The following SULF1 variants were observed in gnomAD, a reference collection of about 807,000 sequenced individuals.
The protein encoded by SULF1 is sulfatase 1.
In SULF1, 46 loss-of-function variants were observed where a neutral mutation model predicts 110.5. The ratio of observed to expected loss-of-function variants is 0.42; its 90% CI spans 0.33 to 0.53. SULF1 has a LOEUF of 0.53. Among genes scored for constraint, SULF1 ranks in the 20% least tolerant of loss-of-function variants. The probability of loss-of-function intolerance (pLI) is 0.12; values close to 1 mark genes in which losing one functional copy is unlikely to be tolerated. For synonymous variants in SULF1, 371 were observed against 387.1 expected (o/e 0.96, Z 0.49); for missense variants, 941 against 1,094.2 (o/e 0.86, Z 1.98).
At chr8:69,601,028 G>A (rs549716574) in intron 9 of SULF1, among the ~76,000 whole-genome samples, 2 of 62,586 alleles carry the variant, frequency 3.2e-5, no homozygotes, top group African/African-American at 1.8e-4. Flanking sequence ...ATCCTCAAAG[G>A]CAATAAAGAA....
Position 69,621,104 on chromosome 8 carries a change from C to T in SULF1, c.1447C>T (p.Leu483Phe). ...IHKCKGPSDL[L>F]TVRQSTRNLY... is the part of the protein sequence containing the mutation. Reference sequence around the variant, plus strand: ...CAAGTGTAAAGGACCCAGTGACCTGCTCACAGTCCGGCAGAGCACGCGGAA... The same window carrying T: ...CAAGTGTAAAGGACCCAGTGACCTGTTCACAGTCCGGCAGAGCACGCGGAA... Residue 483 changes from leucine to phenylalanine, a missense_variant, in exon 14 of 23, where the codon CTC (leucine) becomes TTC (phenylalanine). Leu to Phe is a conservative substitution (Grantham distance 22, BLOSUM62 0). Coordinates refer to ENST00000402687, the MANE Select transcript of SULF1 (RefSeq NM_001128205.2). 6.2e-7 allele frequency: 1 copy of T among 1,614,104 alleles called. No individual in the cohort carries two copies. The highest frequency in any genetic ancestry group is 8.5e-7 in the Non-Finnish European group (1 of 1,179,958).
Position 69,501,488 on chromosome 8 carries a change from G to A in SULF1, c.-228-386G>A, listed in dbSNP as rs541365077. Among the ~76,000 whole-genome samples the A allele has an allele frequency of 6.6e-5, 10 of 152,232 alleles. No homozygotes were observed. In the East Asian group the frequency reaches 7.7e-4, roughly 12 times the overall value. ...TTTAAAAGATTCCATGATTCAGCGC[G>A]TTTTCCTTTAAAATAGGTCTCCCAA... On this transcript the variant is annotated intron_variant, in intron 2 of 22. Coordinates refer to ENST00000402687, the MANE Select transcript of SULF1 (RefSeq NM_001128205.2).
chr8:69,642,667 T>C (rs1242708266), intron 22 of SULF1, among the ~76,000 whole-genome samples: 1 of 152,218 alleles, frequency 6.6e-6, no homozygotes, highest in African/African-American at 2.4e-5. Flanking sequence ...AGTTATTTTA[T>C]GAGGCACTCA....
chr8:69,572,935 C>A (rs974581891), intron 5 of SULF1, among the ~76,000 whole-genome samples: 7 of 152,206 alleles, frequency 4.6e-5, no homozygotes, highest in African/African-American at 1.7e-4. Context: ...TCAAGCAATT[C>A]TCCTGCCTCA....
At chr8:69,543,455 T>C (rs761367378) in intron 3 of SULF1, among the ~76,000 whole-genome samples, 13 of 151,874 alleles carry the variant, frequency 8.6e-5, no homozygotes, top group Non-Finnish European at 1.6e-4. Flanking sequence ...CTCCCACTTA[T>C]AAGTGAGAAC....
intron 5 of SULF1, among the ~76,000 whole-genome samples, chr8:69,565,899 A>C (rs546146846): frequency 6.6e-6 from 1 of 151,910 alleles, no homozygotes; most frequent in African/African-American, 2.4e-5. Flanking sequence ...CCTCGCCTCT[A>C]TCCATGCCTT....
intron 6 of SULF1, among the ~76,000 whole-genome samples, chr8:69,582,153 A>G (rs1270692442): frequency 5.9e-5 from 9 of 152,212 alleles, no homozygotes; most frequent in Admixed American, 5.2e-4. Context: ...GAGAGGAAAC[A>G]AAAAAACCCC....
At chr8:69,476,958 C>T (rs1219193084) in intron 1 of SULF1, among the ~76,000 whole-genome samples, 1 of 152,160 alleles carries the variant, frequency 6.6e-6, no homozygotes, top group East Asian at 1.9e-4. Context: ...TCATCTAGTA[C>T]CCACTTAGGT....
At chr8:69,490,066 G>C (rs1158807006), upstream of SULF1, among the ~76,000 whole-genome samples, 1 of 151,110 alleles carries the variant, frequency 6.6e-6, no homozygotes, top group Non-Finnish European at 1.5e-5. Flanking sequence ...GTTGGACAAG[G>C]CATTTTATCT....
At chr8:69,488,357 C>T (rs1586206927), upstream of SULF1, among the ~76,000 whole-genome samples, 1 of 152,138 alleles carries the variant, frequency 6.6e-6, no homozygotes, top group Non-Finnish European at 1.5e-5. Flanking sequence ...TGTCCCTTTG[C>T]CTCTAGGCAG....
At chr8:69,623,803 C>T (rs1809793395) in intron 14 of SULF1, 139 bp from the exon 15 acceptor site, 2 of 965,476 alleles carry the variant, frequency 2.1e-6, no homozygotes, top group African/African-American at 1.6e-5. Flanking sequence ...CCGTGAATTG[C>T]AGGCACCACG....
chr8:69,654,647 G>A (rs1812582642), intron 22 of SULF1, among the ~76,000 whole-genome samples: 1 of 152,198 alleles, frequency 6.6e-6, no homozygotes, highest in Admixed American at 6.5e-5. Context: ...GTGCTGTGCA[G>A]AAGACTTGCA....
chr8:69,609,601 G>A (rs1247593633), intron 13 of SULF1, among the ~76,000 whole-genome samples: 1 of 152,196 alleles, frequency 6.6e-6, no homozygotes, highest in African/African-American at 2.4e-5. Context: ...GAAAAGTTAA[G>A]CTACAAACCC....
intron 1 of SULF1, among the ~76,000 whole-genome samples, chr8:69,480,427 T>C (rs1378171142): frequency 2.0e-5 from 3 of 152,252 alleles, no homozygotes; most frequent in African/African-American, 7.2e-5. Context: ...ATTTGGTCAA[T>C]ATTAGGGATA....
At chr8:69,633,224 A>G (rs17721456) in intron 19 of SULF1, among the ~76,000 whole-genome samples, 5,880 of 152,100 alleles carry the variant, frequency 0.039, 161 homozygotes, top group Middle Eastern at 0.085. Context: ...CATTCAGTTT[A>G]TGTTTGATGT....
At position 69,603,181 on chromosome 8, in the gene SULF1, C is replaced by A; in HGVS notation, c.1062-11C>A. 2 of 1,614,084 alleles carry A rather than the reference C, an allele frequency of 1.2e-6. No individual in the cohort carries two copies. The highest frequency in any genetic ancestry group is 8.5e-7 in the Non-Finnish European group (1 of 1,179,992). On this transcript the variant is annotated splice_polypyrimidine_tract_variant and intron_variant, in intron 10 of 22. Coordinates refer to ENST00000402687, the MANE Select transcript of SULF1 (RefSeq NM_001128205.2). ...ATTGGATCTCAGCCATCACCGTGTG[C>A]CCCTTTACAGAGTCCCACAGATCGT...
Position 69,604,839 on chromosome 8 carries a change from T to C in SULF1, c.1284T>C (p.Asn428=), listed in dbSNP as rs759431704. 4.3e-6 allele frequency: 7 copies of C among 1,614,090 alleles called. No homozygotes were observed. In the Admixed American group the frequency reaches 1.2e-4, roughly 27 times the overall value. ...FLRKKEESSK[N]IQQSNHLPKY... is the part of the protein sequence containing the mutation. ...GTAAGAAGGAAGAATCCAGCAAGAATATCCAACAGTCAAATCACTTGCCCA... is the reference window on the plus strand; with the variant it reads ...GTAAGAAGGAAGAATCCAGCAAGAACATCCAACAGTCAAATCACTTGCCCA... The change falls in exon 13 of 23, where the codon AAT becomes AAC. Residue 428 remains asparagine, a synonymous_variant. Transcript: ENST00000402687.
chr8:69,585,781 T>TACATACA (rs1426154514), intron 6 of SULF1, among the ~76,000 whole-genome samples: 3 of 152,210 alleles, frequency 2.0e-5, no homozygotes, highest in Non-Finnish European at 4.4e-5. Context: ...TAAACACCCA[T>TACATACA]TACATACTAT....
chr8:69,533,123 C>T (rs1308990439), intron 3 of SULF1, among the ~76,000 whole-genome samples: 6 of 152,146 alleles, frequency 3.9e-5, no homozygotes, highest in Non-Finnish European at 8.8e-5. Flanking sequence ...TCCAGCTTAC[C>T]GATACCTATT....
Sources: allele counts gnomAD v4.1 joint callset (sites outside exome capture counted in the v4.1 genomes callset), GRCh38; gene constraint gnomAD v4.1.1; transcripts MANE v1.5; gene names NCBI Gene and HGNC (gene_info 2026-07-23, HGNC 2026-07-21).